Variants in YTHDF3 observed in about 807,000 individuals in gnomAD.
YTHDF3 encodes the protein YTH domain-containing family protein 3.
YTHDF3 carries 9 observed loss-of-function variants against 52.5 expected under a neutral mutation model. That is an observed-to-expected ratio of 0.17 (90% confidence interval 0.10 to 0.30). The LOEUF is 0.30. Ranked by LOEUF, YTHDF3 falls within the 10% of genes least tolerant of loss-of-function variation. The pLI is 1.00. For missense variants in YTHDF3, 534 were observed against 715.0 expected, an observed-to-expected ratio of 0.75 and a Z score of 2.89; for synonymous variants, 274 against 243.3, an observed-to-expected ratio of 1.13 and a Z score of -1.18.
chr8:63,199,744 A>T (rs1809477887), intron 4 of YTHDF3, among the ~76,000 whole-genome samples: 1 of 152,106 alleles, frequency 6.6e-6, no homozygotes, highest in South Asian at 2.1e-4. Flanking sequence ...TGCTTAACTG[A>T]CTTTACCTGT....
At chr8:63,185,147 C>G (rs1563400380) in intron 3 of YTHDF3, among the ~76,000 whole-genome samples, 1 of 151,718 alleles carries the variant, frequency 6.6e-6, no homozygotes, top group Non-Finnish European at 1.5e-5. Flanking sequence ...TAAAAGCACA[C>G]CTAAATCAAA....
At chr8:63,190,201 G>A (rs966710014) in intron 4 of YTHDF3, among the ~76,000 whole-genome samples, 15 of 152,134 alleles carry the variant, frequency 9.9e-5, no homozygotes, top group African/African-American at 3.4e-4. Context: ...ACAGTTAATA[G>A]CATGGAAGTG....
intron 4 of YTHDF3, among the ~76,000 whole-genome samples, chr8:63,193,252 C>T (rs1043382038): frequency 2.0e-5 from 3 of 151,716 alleles, no homozygotes; most frequent in African/African-American, 7.3e-5. Context: ...GTGGTGCATG[C>T]CTGTAGTCCC....
chr8:63,181,745 C>T (rs749569696), intron 3 of YTHDF3, among the ~76,000 whole-genome samples: 3 of 152,104 alleles, frequency 2.0e-5, no homozygotes, highest in Non-Finnish European at 1.5e-5. Context: ...TTGGAGACCA[C>T]GTTCTTTATT....
intron 4 of YTHDF3, among the ~76,000 whole-genome samples, chr8:63,190,810 C>G (rs908868668): frequency 2.6e-5 from 4 of 152,176 alleles, no homozygotes; most frequent in Admixed American, 2.6e-4. Flanking sequence ...CTCTGTGATT[C>G]GTGAATCACA....
intron 2 of YTHDF3, among the ~76,000 whole-genome samples, chr8:63,174,432 G>A (rs1047337397): frequency 6.6e-6 from 1 of 152,286 alleles, no homozygotes; most frequent in East Asian, 1.9e-4. Flanking sequence ...ATGAGATGAG[G>A]TAGGTACTAT....
chr8:63,206,015 G>C (rs971833446), intron 4 of YTHDF3, among the ~76,000 whole-genome samples: 23 of 152,094 alleles, frequency 1.5e-4, no homozygotes, highest in Non-Finnish European at 2.6e-4. Flanking sequence ...CATGTATCCA[G>C]TTGCCTATTT....
intron 3 of YTHDF3, among the ~76,000 whole-genome samples, chr8:63,176,834 C>T (rs536693413): frequency 9.9e-5 from 15 of 152,132 alleles, no homozygotes; most frequent in Admixed American, 3.3e-4. Flanking sequence ...CATGCCACCA[C>T]GCCTGGCTAC....
intron 4 of YTHDF3, among the ~76,000 whole-genome samples, chr8:63,189,226 T>C (rs1455948962): frequency 6.6e-6 from 1 of 152,174 alleles, no homozygotes; most frequent in African/African-American, 2.4e-5. Flanking sequence ...AAATATCCTA[T>C]TGAGTGGCCC....
intron 4 of YTHDF3, among the ~76,000 whole-genome samples, chr8:63,199,429 G>A (rs912394926): frequency 1.5e-4 from 23 of 152,054 alleles, no homozygotes; most frequent in African/African-American, 2.7e-4. Flanking sequence ...GAAATAATTC[G>A]TTGTAAGTGG....
intron 4 of YTHDF3, among the ~76,000 whole-genome samples, chr8:63,203,410 G>A (rs764393625): frequency 6.6e-6 from 1 of 151,998 alleles, no homozygotes; most frequent in African/African-American, 2.4e-5. Context: ...CTGCCATATG[G>A]TATTTGTTAT....
rs139972074 is a variant in YTHDF3, at chr8:63,199,946, C to T, written c.1735-9737C>T. Among the ~76,000 whole-genome samples, 5 of 152,192 alleles carry T rather than the reference C, an allele frequency of 3.3e-5. No homozygotes were observed. In the East Asian group the frequency reaches 7.7e-4, roughly 23 times the overall value. ...TGTGAATTGCTGTCTCAGTTATTTA[C>T]GACTGTCTAATAGATTTCTCCAAAA... On this transcript the variant is annotated intron_variant, in intron 4 of 4. Coordinates refer to ENST00000539294, the MANE Select transcript of YTHDF3 (RefSeq NM_152758.6).
At chr8:63,192,074 C>T (rs1808947623) in intron 4 of YTHDF3, among the ~76,000 whole-genome samples, 1 of 152,118 alleles carries the variant, frequency 6.6e-6, no homozygotes, top group African/African-American at 2.4e-5. Context: ...GTGTAACCAC[C>T]CTATCAGTTA....
rs1003551534 is a variant in YTHDF3, at chr8:63,211,298, C to T, written c.*1592C>T. 1.3e-5 allele frequency: 2 copies of T among 152,418 alleles called. No individual in the cohort carries two copies. Among genetic ancestry groups the T allele is most frequent in the Admixed American group, 1.3e-4 (2 of 15,258 alleles). 9.4% of individuals were successfully genotyped at this position (152,418 alleles called of 1,614,324 possible). On this transcript the variant is annotated 3_prime_UTR_variant, in exon 5 of 5. Coordinates refer to ENST00000539294, the MANE Select transcript of YTHDF3 (RefSeq NM_152758.6). ...TTCGGTAGTCCCAGTGTAGTTATAT[C>T]AGTGTTTACTGAAGGGAACATCAAA...
intron 1 of YTHDF3, 134 bp from the exon 2 acceptor site, chr8:63,169,253 T>C: frequency 7.6e-7 from 1 of 1,314,572 alleles, no homozygotes. Flanking sequence ...TTGGTGGCTG[T>C]GGAGGATATG....
chr8:63,197,739 G>A (rs542640132), intron 4 of YTHDF3, among the ~76,000 whole-genome samples: 1 of 152,148 alleles, frequency 6.6e-6, no homozygotes, highest in South Asian at 2.1e-4. Context: ...ATTTATAATG[G>A]CAACCCCTCA....
chr8:63,186,934 T>C lies in YTHDF3; in HGVS notation c.923T>C (p.Ile308Thr). The change falls in exon 4 of 5, where the codon ATT becomes ACT. Residue 308 changes from isoleucine (I) to threonine (T), a missense_variant. By Grantham distance (89) the Ile-to-Thr change is moderately conservative. Coordinates refer to ENST00000539294, the MANE Select transcript of YTHDF3 (RefSeq NM_152758.6). Reference protein sequence around the residue: ...QTIIQQPQPLIQPPPLVQSQL... With the variant: ...QTIIQQPQPLTQPPPLVQSQL... ...ATAATCCAGCAGCCTCAGCCATTAA[T>C]TCAACCACCACCATTGGTGCAAAGC... 1 of 1,613,948 alleles carries C rather than the reference T, an allele frequency of 6.2e-7. No individual in the cohort carries two copies. The highest frequency in any genetic ancestry group is 8.5e-7 in the Non-Finnish European group (1 of 1,179,870).
intron 2 of YTHDF3, among the ~76,000 whole-genome samples, chr8:63,171,258 A>G (rs1807303708): frequency 6.6e-6 from 1 of 152,174 alleles, no homozygotes; most frequent in Non-Finnish European, 1.5e-5. Flanking sequence ...CCTGTCTGTC[A>G]GAATCTCCCC....
intron 3 of YTHDF3, among the ~76,000 whole-genome samples, chr8:63,177,759 ATTTTTT>A (rs748461151): frequency 7.1e-6 from 1 of 140,416 alleles, no homozygotes; most frequent in African/African-American, 2.6e-5. Context: ...TCAAACTCTT[ATTTTTT>A]TTTTTTTTTT....
Sources: allele counts gnomAD v4.1 joint callset (sites outside exome capture counted in the v4.1 genomes callset), GRCh38; gene constraint gnomAD v4.1.1; transcripts MANE v1.5; gene names NCBI Gene and HGNC (gene_info 2026-07-23, HGNC 2026-07-21).